Variants in SP140 observed in about 807,000 individuals in gnomAD.
SP140 encodes SP140 nuclear body protein, also known as nuclear body protein SP140.
SP140 carries 81 observed loss-of-function variants against 125.0 expected under a neutral mutation model. That is an observed-to-expected ratio of 0.65 (90% CI 0.54 to 0.78). SP140 has a LOEUF of 0.78. Among genes scored for constraint, SP140 ranks in the 30% least tolerant of loss-of-function variants. SP140 has a pLI of 0.00. For missense variants in SP140, 858 were observed against 1,037.0 expected (o/e 0.83, Z 2.37); for synonymous variants, 312 against 354.0 (o/e 0.88, Z 1.33).
In SP140 at chr2:230,243,713, T is replaced by A. The variant is rs752828918; in HGVS notation, c.491-18T>A. The A allele has an allele frequency of 6.3e-7, 1 of 1,593,686 alleles. No homozygotes were observed. Among genetic ancestry groups the A allele is most frequent in the Admixed American group, 1.7e-5 (1 of 59,872 alleles). On this transcript the variant is annotated intron_variant, in intron 4 of 26. Transcript: ENST00000392045. Reference sequence around the variant, plus strand: ...ACCATAAATCAAGACATCTAAGGGATTTCATTCCTTTCGGCAGAGAACAGC... The same window carrying A: ...ACCATAAATCAAGACATCTAAGGGAATTCATTCCTTTCGGCAGAGAACAGC...
intron 22 of SP140, among the ~76,000 whole-genome samples, chr2:230,299,410 CA>C (rs1364921777): frequency 1.3e-5 from 2 of 152,262 alleles, no homozygotes; most frequent in East Asian, 3.9e-4. Flanking sequence ...GTAGAATAAG[CA>C]GCAGGAAGAG....
At chr2:230,266,840 C>CT (rs1251400698) in intron 12 of SP140, among the ~76,000 whole-genome samples, 2 of 152,178 alleles carry the variant, frequency 1.3e-5, no homozygotes, top group Admixed American at 1.3e-4. Context: ...CTTTGAATCT[C>CT]TGACTTCCTC....
chr2:230,218,488 A>T (rs1399500831), intron 3 of SP140, among the ~76,000 whole-genome samples: 1 of 152,228 alleles, frequency 6.6e-6, no homozygotes, highest in African/African-American at 2.4e-5. Flanking sequence ...GGGGAAGGAG[A>T]TAGTGCAAAG....
intron 12 of SP140, among the ~76,000 whole-genome samples, chr2:230,260,972 TGAA>T (rs2052140156): frequency 6.6e-6 from 1 of 152,066 alleles, no homozygotes; most frequent in Non-Finnish European, 1.5e-5. Flanking sequence ...TCTAATTCTG[TGAA>T]GAAGATGGTG....
chr2:230,281,055 G>T (rs957304098), intron 15 of SP140, among the ~76,000 whole-genome samples: 2 of 151,986 alleles, frequency 1.3e-5, no homozygotes, highest in Non-Finnish European at 1.5e-5. Context: ...TGGAATCTAT[G>T]GTGTGGCTAA....
At chr2:230,314,954 G>A (rs192921694), downstream of SP140, among the ~76,000 whole-genome samples, 8 of 152,332 alleles carry the variant, frequency 5.3e-5, no homozygotes, top group East Asian at 9.6e-4. Flanking sequence ...AACTGTGAGG[G>A]CAAGATAAAG....
chr2:230,243,021 T>A (rs2048929578), intron 4 of SP140, among the ~76,000 whole-genome samples: 1 of 152,170 alleles, frequency 6.6e-6, no homozygotes, highest in Non-Finnish European at 1.5e-5. Flanking sequence ...ATTAAATAAA[T>A]GGGTTTTTAA....
chr2:230,254,363 A>G (rs1223788442), intron 11 of SP140, among the ~76,000 whole-genome samples: 1 of 152,178 alleles, frequency 6.6e-6, no homozygotes, highest in African/African-American at 2.4e-5. Flanking sequence ...GTGACACAGA[A>G]GCATACTCAG....
chr2:230,311,915 T>C (rs1446943828), intron 26 of SP140, among the ~76,000 whole-genome samples: 1 of 152,194 alleles, frequency 6.6e-6, no homozygotes, highest in East Asian at 1.9e-4. Context: ...CTTAAAGTGG[T>C]ATTGTGCTTC....
At chr2:230,232,193 G>C (rs1574897188) in intron 1 of SP140, among the ~76,000 whole-genome samples, 2 of 152,172 alleles carry the variant, frequency 1.3e-5, no homozygotes, top group South Asian at 4.1e-4. Context: ...GATTTTTCTT[G>C]GGGTTTGTGG....
rs1046312653 is a variant in SP140 at position 230,312,520 on chromosome 2, C to T, written c.2506-66C>T. The T allele has an allele frequency of 2.9e-6, 3 of 1,026,506 alleles. No individual in the cohort carries two copies. The African/African-American group carries it at 4.9e-5, about 17-fold the overall frequency. The allele number at this position is 1,026,506 out of a possible 1,614,324, so 63.6% of individuals were successfully genotyped here. A position where few individuals can be genotyped will look rare whatever the true frequency, so the allele number is the denominator to read the frequency against. On this transcript the variant is annotated intron_variant, in intron 26 of 26. Transcript: ENST00000392045. ...TAAAGACAAGAGTCCTGATCATTCTCAGTTGAAAGGTGTCTCATGACGCTA... is the reference window on the plus strand; with the variant it reads ...TAAAGACAAGAGTCCTGATCATTCTTAGTTGAAAGGTGTCTCATGACGCTA...
At chr2:230,221,173 T>C (rs1013869645), upstream of SP140, among the ~76,000 whole-genome samples, 15 of 146,444 alleles carry the variant, frequency 1.0e-4, no homozygotes, top group African/African-American at 3.8e-4. Flanking sequence ...CCCAGCTACT[T>C]GGGAGGCTGA....
intron 22 of SP140, among the ~76,000 whole-genome samples, chr2:230,302,210 C>A (rs1279408638): frequency 1.3e-5 from 2 of 151,460 alleles, no homozygotes; most frequent in South Asian, 2.1e-4. Flanking sequence ...GCAGTGAAAC[C>A]CCATCTCTAC....
At chr2:230,246,390 T>C (rs1284283995) in intron 7 of SP140, among the ~76,000 whole-genome samples, 1 of 152,202 alleles carries the variant, frequency 6.6e-6, no homozygotes, top group Non-Finnish European at 1.5e-5. Flanking sequence ...GGGTAACATT[T>C]GGGTAATATT....
At chr2:230,220,147 TG>T in intron 3 of SP140, 2 of 914,724 alleles carry the variant, frequency 2.2e-6, no homozygotes, top group Middle Eastern at 5.6e-4. Context: ...AGTTGGGGTT[TG>T]GGGGAGGGCG....
At chr2:230,284,876 A>G (rs778089999) in intron 16 of SP140, among the ~76,000 whole-genome samples, 1 of 152,236 alleles carries the variant, frequency 6.6e-6, no homozygotes, top group Admixed American at 6.5e-5. Context: ...ACATAAATAT[A>G]GAAAAATAGA....
chr2:230,295,210 G>T (rs1422598667), intron 21 of SP140, among the ~76,000 whole-genome samples: 1 of 152,226 alleles, frequency 6.6e-6, no homozygotes, highest in East Asian at 1.9e-4. Flanking sequence ...ATGCACTTCA[G>T]GTAGAAATAC....
At chr2:230,210,258 G>A (rs573256810) in intron 1 of SP140, among the ~76,000 whole-genome samples, 16 of 152,330 alleles carry the variant, frequency 1.1e-4, no homozygotes, top group Admixed American at 5.2e-4. Flanking sequence ...CTTTTAGAGA[G>A]ATTATCTTAT....
intron 15 of SP140, among the ~76,000 whole-genome samples, chr2:230,280,564 C>G (rs2149412111): frequency 6.6e-6 from 1 of 152,122 alleles, no homozygotes; most frequent in East Asian, 1.9e-4. Context: ...GTGTCTCCTT[C>G]CTGCTTTTTA....
Sources: gnomAD v4.1 joint callset for allele counts (sites outside exome capture counted in the v4.1 genomes callset) on GRCh38, gnomAD v4.1.1 for gene constraint, MANE v1.5 for transcripts, NCBI Gene and HGNC (gene_info 2026-07-23, HGNC 2026-07-21) for gene names.